The following EHMT1 variants were observed in gnomAD, a reference collection of about 807,000 sequenced individuals.
The protein encoded by EHMT1 is histone-lysine N-methyltransferase EHMT1.
Under a neutral mutation model 147.2 loss-of-function variants are expected in EHMT1, and 15 were observed. The ratio of observed to expected loss-of-function variants is 0.10; its 90% CI spans 0.07 to 0.16. EHMT1 has a LOEUF of 0.16. EHMT1 is among the 10% of genes least tolerant of loss of function. The pLI is 1.00. For missense variants in EHMT1, 1,587 were observed against 1,772.4 expected, an observed-to-expected ratio of 0.90 and a Z score of 1.88; for synonymous variants, 795 against 709.6, an observed-to-expected ratio of 1.12 and a Z score of -1.91.
chr9:137,749,649 TG>T (rs1162758880), intron 6 of EHMT1, among the ~76,000 whole-genome samples: 1 of 152,164 alleles, frequency 6.6e-6, no homozygotes, highest in East Asian at 1.9e-4. Context: ...CTAATCTCCT[TG>T]GGTTTTCAGC....
At position 137,814,492 on chromosome 9, in the gene EHMT1, G is replaced by A. The variant is rs1274172181; in HGVS notation, c.3242G>A (p.Arg1081His). ...TGCATGTGCGGCCAGCTCAGCATGC[G>A]CTGCTGGTACGACAAGGTGAGGGCG... is the stretch of plus-strand genomic sequence containing the variant. ...SNCMCGQLSM[R>H]CWYDKDGRLL... The change falls in exon 22 of 27, where the codon CGC becomes CAC. Residue 1081 changes from arginine to histidine, a missense_variant. Coordinates refer to ENST00000460843, the MANE Select transcript of EHMT1 (RefSeq NM_024757.5). 4 of 1,607,580 alleles carry A rather than the reference G, an allele frequency of 2.5e-6. No homozygotes were observed. Among genetic ancestry groups the A allele is most frequent in the African/African-American group, 1.3e-5 (1 of 75,056 alleles).
intron 1 of EHMT1, among the ~76,000 whole-genome samples, chr9:137,704,861 T>C (rs1234470885): frequency 7.0e-6 from 1 of 143,050 alleles, no homozygotes; most frequent in Non-Finnish European, 1.5e-5. Flanking sequence ...CTTTCCTTTC[T>C]TTGTTCCTCT....
intron 1 of EHMT1, among the ~76,000 whole-genome samples, chr9:137,644,999 A>G (rs935116981): frequency 2.6e-5 from 4 of 151,972 alleles, no homozygotes; most frequent in African/African-American, 9.7e-5. Flanking sequence ...CAGCCTCCCA[A>G]GAAGCTGGGA....
chr9:137,834,760 G>A lies in EHMT1; in HGVS notation c.3717-13G>A. The A allele has an allele frequency of 1.2e-6, 2 of 1,613,514 alleles. No individual in the cohort carries two copies. The highest frequency in any genetic ancestry group is 1.3e-5 in the African/African-American group (1 of 75,040). On this transcript the variant is annotated splice_polypyrimidine_tract_variant and intron_variant, in intron 26 of 26. Transcript: ENST00000460843. ...GGATTCGACTTGGAGCCTTGGTTCTGTTCCCTCCCCAGGTTTGACTATGGA... is the reference window on the plus strand; with the variant it reads ...GGATTCGACTTGGAGCCTTGGTTCTATTCCCTCCCCAGGTTTGACTATGGA...
At chr9:137,627,161 G>T (rs1433583671) in intron 1 of EHMT1, among the ~76,000 whole-genome samples, 1 of 151,720 alleles carries the variant, frequency 6.6e-6, no homozygotes, top group East Asian at 1.9e-4. Context: ...GTTTCACCAT[G>T]TTGGCCAGGC....
chr9:137,710,632 CAGT>C (rs1218220669), intron 1 of EHMT1, among the ~76,000 whole-genome samples: 10 of 152,080 alleles, frequency 6.6e-5, no homozygotes, highest in Non-Finnish European at 1.5e-4. Flanking sequence ...TTATTGTCAG[CAGT>C]AGAATGCATT....
intron 1 of EHMT1, among the ~76,000 whole-genome samples, chr9:137,643,024 T>G (rs552915298): frequency 6.6e-6 from 1 of 151,494 alleles, no homozygotes; most frequent in Non-Finnish European, 1.5e-5. Context: ...GGACTATGGG[T>G]GCGTGCCACT....
rs780462689 is a variant in EHMT1 at position 137,744,053 on chromosome 9, C to T, written c.1133C>T (p.Ser378Phe). The T allele has an allele frequency of 3.7e-6, 6 of 1,614,002 alleles. No individual in the cohort carries two copies. Among genetic ancestry groups the T allele is most frequent in the Non-Finnish European group, 4.2e-6 (5 of 1,180,044 alleles). ...TTCCCCACAGAGGACAGCAGGACTT[C>T]CAAGGAGAGCATGTCGGAGGCTGAT... ...AAFPTEDSRT[S>F]KESMSEADRA... Residue 378 changes from serine to phenylalanine, a missense_variant, in exon 6 of 27, where the codon TCC becomes TTC. Around this residue, in one of 7 missense-constraint regions of EHMT1, gnomAD observed 810 missense variants for 673.0 expected, o/e 1.20. Coordinates refer to ENST00000460843, the MANE Select transcript of EHMT1 (RefSeq NM_024757.5).
intron 10 of EHMT1, among the ~76,000 whole-genome samples, chr9:137,772,940 C>T (rs1202670317): frequency 6.6e-6 from 1 of 152,204 alleles, no homozygotes; most frequent in Non-Finnish European, 1.5e-5. Context: ...TCCTTCCTTA[C>T]ATTCTCCTGC....
intron 3 of EHMT1, among the ~76,000 whole-genome samples, chr9:137,722,935 T>C (rs1279499536): frequency 5.8e-4 from 57 of 98,754 alleles, no homozygotes; most frequent in Middle Eastern, 8.2e-3. Context: ...TGTCTGTGTC[T>C]GTGGTTCTGG....
intron 1 of EHMT1, among the ~76,000 whole-genome samples, chr9:137,693,200 G>A (rs938749740): frequency 2.0e-5 from 3 of 152,136 alleles, no homozygotes; most frequent in African/African-American, 7.2e-5. Context: ...CGGGCTAAGG[G>A]GACTGGACTT....
At chr9:137,640,514 T>G (rs1343880770) in intron 1 of EHMT1, among the ~76,000 whole-genome samples, 1 of 152,200 alleles carries the variant, frequency 6.6e-6, no homozygotes, top group Non-Finnish European at 1.5e-5. Flanking sequence ...TGGCCTCAAG[T>G]GATCCTCCCA....
At chr9:137,761,732 C>T (rs1046572355) in intron 9 of EHMT1, among the ~76,000 whole-genome samples, 23 of 152,226 alleles carry the variant, frequency 1.5e-4, no homozygotes, top group Admixed American at 1.4e-3. Context: ...GCTGGGATTA[C>T]AGGCGTGAGC....
chr9:137,792,860 A>G (rs977909457), intron 16 of EHMT1, among the ~76,000 whole-genome samples: 5 of 152,204 alleles, frequency 3.3e-5, no homozygotes, highest in African/African-American at 1.2e-4. Context: ...GAAATAGACA[A>G]ACTTGATTAA....
intron 1 of EHMT1, among the ~76,000 whole-genome samples, chr9:137,657,538 T>C (rs1288681756): frequency 6.6e-6 from 1 of 151,684 alleles, no homozygotes; most frequent in Non-Finnish European, 1.5e-5. Context: ...TTTTCAATTT[T>C]TGTGGGTACA....
chr9:137,798,323 G>A (rs1953133708), intron 16 of EHMT1, among the ~76,000 whole-genome samples: 1 of 152,092 alleles, frequency 6.6e-6, no homozygotes, highest in Admixed American at 6.5e-5. Flanking sequence ...GATCACTTGA[G>A]CATGGGAATC....
At chr9:137,645,769 G>C (rs562949493) in intron 1 of EHMT1, among the ~76,000 whole-genome samples, 1 of 151,892 alleles carries the variant, frequency 6.6e-6, no homozygotes, top group Non-Finnish European at 1.5e-5. Flanking sequence ...GCAGCCCCAC[G>C]TGGGCCTCAG....
chr9:137,779,887 T>C (rs1366950768), intron 14 of EHMT1, among the ~76,000 whole-genome samples, 170 bp downstream of exon 14: 1 of 152,250 alleles, frequency 6.6e-6, no homozygotes, highest in Non-Finnish European at 1.5e-5. Context: ...GTGTTGAGGC[T>C]TTTTATGGTG....
At chr9:137,803,796 A>C (rs942251278) in intron 18 of EHMT1, among the ~76,000 whole-genome samples, 14 of 151,530 alleles carry the variant, frequency 9.2e-5, no homozygotes, top group Admixed American at 5.9e-4. Context: ...GGCTGCAGTA[A>C]GCTGAGATCG....
Sources: gnomAD v4.1 joint callset for allele counts (sites outside exome capture counted in the v4.1 genomes callset) on GRCh38, gnomAD v4.1.1 for gene constraint, gnomAD v4.1.1 regional missense constraint, MANE v1.5 for transcripts, NCBI Gene and HGNC (gene_info 2026-07-23, HGNC 2026-07-21) for gene names.